ECE1: variants seen among roughly 807,000 people sequenced by gnomAD.
The protein encoded by ECE1 is endothelin converting enzyme 1.
Under a neutral mutation model 98.6 loss-of-function variants are expected in ECE1, and 35 were observed. The ratio of observed to expected loss-of-function variants is 0.35; its 90% CI spans 0.27 to 0.47. The LOEUF (loss-of-function observed/expected upper bound fraction) is 0.47, where lower values mean the gene tolerates loss of function less well. ECE1 is among the 20% of genes least tolerant of loss of function. The pLI, the probability that ECE1 is intolerant of heterozygous loss-of-function variation, is 1.00. For missense variants in ECE1, 814 were observed against 1,025.3 expected (o/e 0.79, Z 2.81); for synonymous variants, 394 against 407.1 (o/e 0.97, Z 0.39).
intron 1 of ECE1, among the ~76,000 whole-genome samples, chr1:21,332,724 G>C (rs1300264717): frequency 9.7e-5 from 2 of 20,642 alleles, no homozygotes; most frequent in Non-Finnish European, 1.1e-4. Flanking sequence ...GGGGAGGGGA[G>C]GGGAGGGGAG....
intron 8 of ECE1, among the ~76,000 whole-genome samples, chr1:21,253,637 C>A (rs1478432239): frequency 2.6e-5 from 4 of 151,454 alleles, no homozygotes; most frequent in Admixed American, 6.6e-5. Context: ...GTGGCGGGTG[C>A]CTGTAGTCCC....
chr1:21,297,564 C>G (rs1168410966), intron 1 of ECE1, among the ~76,000 whole-genome samples: 2 of 144,930 alleles, frequency 1.4e-5, no homozygotes, highest in Non-Finnish European at 3.0e-5. Context: ...CAGAATCTCA[C>G]TCTGTCACCC....
Position 21,290,347 on chromosome 1 carries a change from G to T in ECE1, c.51+17C>A. 1 of 1,193,780 alleles carries T rather than the reference G, an allele frequency of 8.4e-7. No homozygotes were observed. The highest frequency in any genetic ancestry group is 1.0e-6 in the Non-Finnish European group (1 of 967,616). The allele number at this position is 1,193,780 out of a possible 1,614,324, so 73.9% of individuals were successfully genotyped here. On this transcript the variant is annotated intron_variant, in intron 1 of 18. Coordinates refer to ENST00000374893, the MANE Select transcript of ECE1 (RefSeq NM_001397.3). The surrounding 1 kb of genome is among the most constrained non-coding windows in gnomAD (Gnocchi z 7.3). ...GCCCGCCTCCCGCCCCCGCCCTCCAGGCCGCGCCCGCCTCACCCCCAGCGC... is the reference window on the plus strand; with the variant it reads ...GCCCGCCTCCCGCCCCCGCCCTCCATGCCGCGCCCGCCTCACCCCCAGCGC...
intron 1 of ECE1, among the ~76,000 whole-genome samples, chr1:21,304,970 C>T (rs1002366436): frequency 1.3e-5 from 2 of 152,172 alleles, no homozygotes; most frequent in African/African-American, 4.8e-5. Flanking sequence ...CATCCTTGGT[C>T]CCTGCTTACG....
At chr1:21,264,317 C>CT (rs1182192989) in intron 4 of ECE1, among the ~76,000 whole-genome samples, 1 of 82,514 alleles carries the variant, frequency 1.2e-5, no homozygotes, top group African/African-American at 4.7e-5. Flanking sequence ...ATTCCCCCCC[C>CT]CCCTTTTTTT....
intron 8 of ECE1, among the ~76,000 whole-genome samples, chr1:21,249,021 C>T (rs1470318866): frequency 6.6e-6 from 1 of 152,094 alleles, no homozygotes; most frequent in Non-Finnish European, 1.5e-5. Flanking sequence ...TGCTGAGGTA[C>T]TCCTCAAGTT....
chr1:21,258,604 G>T lies in ECE1; in HGVS notation c.762+89C>A. The stretch of plus-strand genomic sequence containing the variant: ...AAGACCGCCGTCCCACCCAGGGCAA[G>T]CCCCTCTCCCACCCCAGGTCCTGCT... On this transcript the variant is annotated intron_variant, in intron 6 of 18. Coordinates refer to ENST00000374893, the MANE Select transcript of ECE1 (RefSeq NM_001397.3). The surrounding 1 kb of genome is among the most constrained non-coding windows in gnomAD (Gnocchi z 4.2). The T allele has an allele frequency of 2.2e-4, 139 of 641,322 alleles. No individual in the cohort carries two copies. Among genetic ancestry groups the T allele is most frequent in the Non-Finnish European group, 3.5e-4 (126 of 358,350 alleles). 39.7% of individuals were successfully genotyped at this position (641,322 alleles called of 1,614,324 possible). A position where few individuals can be genotyped will look rare whatever the true frequency, so the allele number is the denominator to read the frequency against.
chr1:21,244,246 C>T (rs1319809400), intron 10 of ECE1, among the ~76,000 whole-genome samples: 1 of 152,188 alleles, frequency 6.6e-6, no homozygotes, highest in African/African-American at 2.4e-5. Context: ...TGATGTATCC[C>T]ATCAGCACAT....
chr1:21,246,658 G>A (rs1270892678), intron 9 of ECE1, among the ~76,000 whole-genome samples: 3 of 152,104 alleles, frequency 2.0e-5, no homozygotes, highest in Non-Finnish European at 4.4e-5. Flanking sequence ...AATGGTAGGT[G>A]CTAGGTTTTT....
chr1:21,238,314 G>T, intron 10 of ECE1, 70 bp from the exon 11 acceptor site: 1 of 1,246,834 alleles, frequency 8.0e-7, no homozygotes, highest in Non-Finnish European at 1.2e-6. Flanking sequence ...CTTGCTGGGA[G>T]GTAGCACCAT....
At chr1:21,315,253 A>G (rs537833892) in intron 1 of ECE1, among the ~76,000 whole-genome samples, 3 of 152,210 alleles carry the variant, frequency 2.0e-5, no homozygotes, top group Non-Finnish European at 4.4e-5. Context: ...TCATGTCCCA[A>G]GCAAATAATT....
chr1:21,249,683 G>C (rs75164180), intron 8 of ECE1, among the ~76,000 whole-genome samples: 1 of 151,706 alleles, frequency 6.6e-6, no homozygotes, highest in Admixed American at 6.6e-5. Flanking sequence ...CCCTGCCTCA[G>C]AAAAAAAAGA....
rs572706181 is a variant in ECE1, at chr1:21,220,178, G to A, written c.2137-47C>T. 9 of 1,572,596 alleles carry A rather than the reference G, an allele frequency of 5.7e-6. No homozygotes were observed. The highest frequency in any genetic ancestry group is 2.7e-5 in the African/African-American group (2 of 74,236). ...AGGCCAGGGTCACTGTGGGGCCCTC[G>A]GGCTGCCAGACTGCCCCCATTATAA... On this transcript the variant is annotated intron_variant, in intron 18 of 18. Transcript: ENST00000374893. This position sits in a 1 kb window ranked among gnomAD's most constrained non-coding sequence, Gnocchi z 5.0.
intron 1 of ECE1, among the ~76,000 whole-genome samples, chr1:21,315,740 G>A (rs1363347682): frequency 6.7e-6 from 1 of 149,062 alleles, no homozygotes; most frequent in African/African-American, 2.5e-5. Context: ...GTTGCAGTGA[G>A]CTGTGTGCCA....
chr1:21,248,723 C>G (rs1408860667), intron 8 of ECE1, among the ~76,000 whole-genome samples: 1 of 152,022 alleles, frequency 6.6e-6, no homozygotes, highest in Non-Finnish European at 1.5e-5. Context: ...CTCCCAGGTT[C>G]AAGCGATTCT....
chr1:21,283,605 G>A (rs1450643680), intron 2 of ECE1, among the ~76,000 whole-genome samples: 2 of 152,094 alleles, frequency 1.3e-5, no homozygotes, highest in East Asian at 1.9e-4. Flanking sequence ...AGGTATTAGC[G>A]TTAGCTCCAG....
Position 21,256,146 on chromosome 1 carries a change from G to A in ECE1, c.829-8C>T, listed in dbSNP as rs777989890. On this transcript the variant is annotated splice_polypyrimidine_tract_variant and splice_region_variant and intron_variant, in intron 7 of 18. Coordinates refer to ENST00000374893, the MANE Select transcript of ECE1 (RefSeq NM_001397.3). ...CAGATATCCGGTCAGCACCTGCAGGGCCCATACCCCAAACTGTCAGTGGCT... is the reference window on the plus strand; with the variant it reads ...CAGATATCCGGTCAGCACCTGCAGGACCCATACCCCAAACTGTCAGTGGCT... 6 of 1,594,722 alleles carry A rather than the reference G, an allele frequency of 3.8e-6. No homozygotes were observed. The highest frequency in any genetic ancestry group is 2.2e-5 in the South Asian group (2 of 90,248).
At chr1:21,311,766 T>C (rs915059675) in intron 1 of ECE1, among the ~76,000 whole-genome samples, 9 of 151,452 alleles carry the variant, frequency 5.9e-5, no homozygotes, top group Admixed American at 1.3e-4. Flanking sequence ...CAGTGAGCAG[T>C]GATTGTGCCA....
chr1:21,326,349 G>T (rs1325879247), intron 1 of ECE1, among the ~76,000 whole-genome samples: 1 of 151,948 alleles, frequency 6.6e-6, no homozygotes. Context: ...GGGGGTTAGA[G>T]AAACCTGGGA....
Sources: gnomAD v4.1 joint callset for allele counts (sites outside exome capture counted in the v4.1 genomes callset) on GRCh38, gnomAD v4.1.1 for gene constraint, Gnocchi (gnomAD v3.1) non-coding constraint, MANE v1.5 for transcripts, NCBI Gene and HGNC (gene_info 2026-07-23, HGNC 2026-07-21) for gene names.